Variants in AOC3 observed in about 807,000 individuals in gnomAD.
AOC3 encodes the protein amine oxidase copper containing 3, also known as amine oxidase [copper-containing] 3.
Under a neutral mutation model 55.4 loss-of-function variants are expected in AOC3, and 47 were observed. The ratio of observed to expected loss-of-function variants is 0.85; its 90% CI spans 0.67 to 1.08. The LOEUF is 1.08. Ranked by LOEUF, AOC3 falls within the 50% of genes least tolerant of loss-of-function variation. The pLI, the probability that AOC3 is intolerant of heterozygous loss-of-function variation, is 0.00. For missense variants in AOC3, 853 were observed against 993.1 expected, an observed-to-expected ratio of 0.86 and a Z score of 1.90; for synonymous variants, 386 against 410.7, an observed-to-expected ratio of 0.94 and a Z score of 0.73.
chr17:42,852,454 A>G lies in AOC3; in HGVS notation c.1111A>G (p.Ile371Val), dbSNP rs757469320. The G allele has an allele frequency of 1.9e-6, 3 of 1,614,070 alleles. No individual in the cohort carries two copies. The highest frequency in any genetic ancestry group is 1.3e-5 in the African/African-American group (1 of 74,918). ...GATAAGCCTCCAAGAGGCCTTGGCC[A>G]TCTATGGTGGAAATTCCCCAGCAGC... ...YEISLQEALA[I>V]YGGNSPAAMT... Residue 371 changes from isoleucine to valine, a missense_variant, in exon 1 of 4, where the codon ATC (isoleucine) becomes GTC (valine). Coordinates refer to ENST00000308423, the MANE Select transcript of AOC3 (RefSeq NM_003734.4).
At position 42,857,149 on chromosome 17, in the gene AOC3, A is replaced by C. The variant is rs2055760691; in HGVS notation, c.*599A>C. 6.5e-6 allele frequency: 1 copy of C among 153,406 alleles called. No homozygotes were observed. Among genetic ancestry groups the C allele is most frequent in the South Asian group, 2.0e-4 (1 of 4,902 alleles). 9.5% of individuals were successfully genotyped at this position (153,406 alleles called of 1,614,324 possible). A position where few individuals can be genotyped will look rare whatever the true frequency, so the allele number is the denominator to read the frequency against. On this transcript the variant is annotated 3_prime_UTR_variant, in exon 4 of 4. Coordinates refer to ENST00000308423, the MANE Select transcript of AOC3 (RefSeq NM_003734.4). ...TCCCCCAGCCCTCAGTTTTCAGTCA[A>C]GTTCCGTCTCCTCTCCAGCCCTATG...
Position 42,852,839 on chromosome 17 carries a change from T to C in AOC3, c.1496T>C (p.Phe499Ser). ...GCCACGGGCTACATCAGCTCGGCATTCCTCTTTGGTGCTACTGGGAAGTAC... is the reference window on the plus strand; with the variant it reads ...GCCACGGGCTACATCAGCTCGGCATCCCTCTTTGGTGCTACTGGGAAGTAC... ...FYATGYISSA[F>S]LFGATGKYGN... Residue 499 changes from phenylalanine to serine, a missense_variant, in exon 1 of 4, where the codon TTC (phenylalanine) becomes TCC (serine). Transcript: ENST00000308423. 1 of 1,613,982 alleles carries C rather than the reference T, an allele frequency of 6.2e-7. No homozygotes were observed. Among genetic ancestry groups the C allele is most frequent in the Non-Finnish European group, 8.5e-7 (1 of 1,179,886 alleles).
rs369195481 is a variant in AOC3, at chr17:42,851,574, G to T, written c.231G>T (p.Gln77His). ...CGGCTGTGATGCGCTTTCTGACCCA[G>T]CGGCTGGGGCCAGGGCTGGTGGATG... ...ELTAVMRFLT[Q>H]RLGPGLVDAA... Residue 77 changes from glutamine (Q) to histidine (H), a missense_variant, in exon 1 of 4, where the codon CAG (glutamine) becomes CAT (histidine). Coordinates refer to ENST00000308423, the MANE Select transcript of AOC3 (RefSeq NM_003734.4). 1.2e-6 allele frequency: 2 copies of T among 1,613,080 alleles called. No homozygotes were observed. The highest frequency in any genetic ancestry group is 2.7e-5 in the African/African-American group (2 of 74,924).
intron 1 of AOC3, 47 bp downstream of exon 1, chr17:42,852,990 A>G: frequency 6.3e-7 from 1 of 1,576,286 alleles, no homozygotes; most frequent in Non-Finnish European, 8.7e-7. Flanking sequence ...AGGGCTGAAA[A>G]GTTGTTTCCA....
rs1294326066 is a variant in AOC3 at position 42,852,236 on chromosome 17, G to A, written c.893G>A (p.Gly298Glu). ...CTGATCCCAGACAATGGCACAGGTG[G>A]GTCCTGGTCCCTGAAGTCCCCTGTG... The part of the protein sequence containing the change: ...VVLIPDNGTG[G>E]SWSLKSPVPP... Residue 298 changes from glycine to glutamate, a missense_variant, in exon 1 of 4, where the codon GGG (glycine) becomes GAG (glutamate). Physicochemically the swap from Gly to Glu is moderately conservative, Grantham distance 98. Transcript: ENST00000308423. 6.2e-7 allele frequency: 1 copy of A among 1,613,480 alleles called. No individual in the cohort carries two copies. The highest frequency in any genetic ancestry group is 1.3e-5 in the African/African-American group (1 of 74,876).
chr17:42,855,531 G>A lies in AOC3; in HGVS notation c.1974G>A (p.Val658=), dbSNP rs2055737745. Residue 658 remains valine (V), a synonymous_variant, in exon 3 of 4, where the codon GTG becomes GTA. Coordinates refer to ENST00000308423, the MANE Select transcript of AOC3 (RefSeq NM_003734.4). Reference sequence around the variant, plus strand: ...AGAATGACCCTTGGGCCCCCACTGTGGATTTCAGTGACTTCATCAACAATG... The same window carrying A: ...AGAATGACCCTTGGGCCCCCACTGTAGATTTCAGTGACTTCATCAACAATG... The part of the protein sequence containing the change: ...FNQNDPWAPT[V]DFSDFINNET... 6.8e-6 allele frequency: 11 copies of A among 1,614,080 alleles called. No homozygotes were observed. Among genetic ancestry groups the A allele is most frequent in the Non-Finnish European group, 9.3e-6 (11 of 1,180,028 alleles).
Position 42,852,019 on chromosome 17 carries a change from T to C in AOC3, c.676T>C (p.Trp226Arg). 6.2e-7 allele frequency: 1 copy of C among 1,613,846 alleles called. No homozygotes were observed. The highest frequency in any genetic ancestry group is 1.7e-4 in the Middle Eastern group (1 of 6,056). The change falls in exon 1 of 4, where the codon TGG (tryptophan) becomes CGG (arginine). Residue 226 changes from tryptophan to arginine, a missense_variant. Trp to Arg is a moderately radical substitution (Grantham distance 101, BLOSUM62 -3). Coordinates refer to ENST00000308423, the MANE Select transcript of AOC3 (RefSeq NM_003734.4). ...TCTGCAATCAGGGGACCGGGCCACCTGGTTTGGCCTCTACTACAACATCTC... is the reference window on the plus strand; with the variant it reads ...TCTGCAATCAGGGGACCGGGCCACCCGGTTTGGCCTCTACTACAACATCTC... ...RGLQSGDRAT[W>R]FGLYYNISGA...
chr17:42,852,686 A>G lies in AOC3; in HGVS notation c.1343A>G (p.Tyr448Cys). Residue 448 changes from tyrosine (Y) to cysteine (C), a missense_variant, in exon 1 of 4, where the codon TAC becomes TGC. By Grantham distance (194) the Tyr-to-Cys change is radical. Coordinates refer to ENST00000308423, the MANE Select transcript of AOC3 (RefSeq NM_003734.4). Reference sequence around the variant, plus strand: ...CTGCGGCGACACCACTCAGATCTCTACTCGCACTACTTTGGGGGTCTTGCG... The same window carrying G: ...CTGCGGCGACACCACTCAGATCTCTGCTCGCACTACTTTGGGGGTCTTGCG... The part of the protein sequence containing the change: ...LPLRRHHSDL[Y>C]SHYFGGLAET... 1 of 1,614,034 alleles carries G rather than the reference A, an allele frequency of 6.2e-7. No individual in the cohort carries two copies. Among genetic ancestry groups the G allele is most frequent in the Non-Finnish European group, 8.5e-7 (1 of 1,180,018 alleles).
intron 1 of AOC3, chr17:42,853,260 T>G: frequency 1.4e-5 from 16 of 1,133,028 alleles, no homozygotes; most frequent in Non-Finnish European, 1.7e-5. Context: ...TGGGCTCTGC[T>G]GCTGGGAGCA....
chr17:42,854,581 C>A lies in AOC3; in HGVS notation c.1734C>A (p.Leu578=), dbSNP rs770166481. The A allele has an allele frequency of 6.8e-6, 11 of 1,609,898 alleles. 1 individual carries two copies. The South Asian group carries it at 1.1e-4, about 16-fold the overall frequency. The change falls in exon 2 of 4, where the codon CTC becomes CTA. Residue 578 remains leucine, a synonymous_variant. Coordinates refer to ENST00000308423, the MANE Select transcript of AOC3 (RefSeq NM_003734.4). ...AGATGGAGGAGCAGGCCGCCTTCCTCGTGGGAAGCGCCACCCCTCGCTACC... is the reference window on the plus strand; with the variant it reads ...AGATGGAGGAGCAGGCCGCCTTCCTAGTGGGAAGCGCCACCCCTCGCTACC... ...LLEMEEQAAF[L]VGSATPRYLY... is the part of the protein sequence containing the mutation.
At chr17:42,853,832 A>G (rs2055708854) in intron 1 of AOC3, among the ~76,000 whole-genome samples, 1 of 151,926 alleles carries the variant, frequency 6.6e-6, no homozygotes. Context: ...AACCCCCTCA[A>G]AACTCTTTCC....
intron 1 of AOC3, chr17:42,854,036 G>A (rs190803289): frequency 4.9e-5 from 8 of 161,950 alleles, no homozygotes; most frequent in Non-Finnish European, 6.7e-5. Context: ...AAAGTTGCCC[G>A]GAAGGGCCCC....
rs754637660 is a variant in AOC3, at chr17:42,852,696, CT to C, written c.1356del (p.Phe452LeufsTer34). 6.2e-7 allele frequency: 1 copy of C among 1,614,246 alleles called. No homozygotes were observed. The highest frequency in any genetic ancestry group is 8.5e-7 in the Non-Finnish European group (1 of 1,180,056). The part of the protein sequence containing the change: ...RHHSDLYSHY[F>X]GGLAETVLVV... ...ACCACTCAGATCTCTACTCGCACTA[CT>C]TTGGGGGTCTTGCGGAAACGGTGCT... On this transcript the variant is annotated frameshift_variant, in exon 1 of 4. Transcript: ENST00000308423. LOFTEE classifies it high-confidence loss of function.
In AOC3 at chr17:42,851,849, G is replaced by T. The variant is rs768593243; in HGVS notation, c.506G>T (p.Arg169Leu). ...GGAGGCCCCCTGCCCTATCACCGAC[G>T]CCCCGTGCTGTTCCAAGAGTACCTG... is the stretch of plus-strand genomic sequence containing the variant. ...RHGGPLPYHR[R>L]PVLFQEYLDI... The change falls in exon 1 of 4, where the codon CGC becomes CTC. Residue 169 changes from arginine to leucine, a missense_variant. Arg to Leu is a moderately radical substitution (Grantham distance 102). Transcript: ENST00000308423. 3 of 1,613,616 alleles carry T rather than the reference G, an allele frequency of 1.9e-6. No homozygotes were observed. Among genetic ancestry groups the T allele is most frequent in the African/African-American group, 1.3e-5 (1 of 75,050 alleles).
Position 42,854,537 on chromosome 17 carries a change from G to A in AOC3, c.1690G>A (p.Val564Met). The A allele has an allele frequency of 6.2e-7, 1 of 1,610,800 alleles. No individual in the cohort carries two copies. Among genetic ancestry groups the A allele is most frequent in the East Asian group, 2.2e-5 (1 of 44,652 alleles). The change falls in exon 2 of 4, where the codon GTG (valine) becomes ATG (methionine). Residue 564 changes from valine to methionine, a missense_variant. By Grantham distance (21) the Val-to-Met change is conservative (BLOSUM62 1). Transcript: ENST00000308423. ...TGAGCACCAGCTGCAGAGGCTGCAGGTGACCCGGAAGCTGCTGGAGATGGA... is the reference window on the plus strand; with the variant it reads ...TGAGCACCAGCTGCAGAGGCTGCAGATGACCCGGAAGCTGCTGGAGATGGA... Reference protein sequence around the residue: ...SPEHQLQRLQVTRKLLEMEEQ... With the variant: ...SPEHQLQRLQMTRKLLEMEEQ...
intron 3 of AOC3, 132 bp from the exon 4 acceptor site, chr17:42,856,143 A>C: frequency 4.4e-6 from 5 of 1,130,706 alleles, no homozygotes; most frequent in Non-Finnish European, 6.4e-6. Flanking sequence ...TGGACTACTT[A>C]TGCTTTGACT....
At position 42,857,259 on chromosome 17, in the gene AOC3, G is replaced by C. The variant is rs990113157; in HGVS notation, c.*709G>C. On this transcript the variant is annotated 3_prime_UTR_variant, in exon 4 of 4. Coordinates refer to ENST00000308423, the MANE Select transcript of AOC3 (RefSeq NM_003734.4). The stretch of plus-strand genomic sequence containing the variant: ...TGTGTCTGTTGCTTATTGGGAGTAG[G>C]AGTTGCTCCTACCCCTGTCCTGGGG... 9 of 152,612 alleles carry C rather than the reference G, an allele frequency of 5.9e-5. No homozygotes were observed. Among genetic ancestry groups the C allele is most frequent in the African/African-American group, 2.2e-4 (9 of 41,424 alleles). The allele number at this position is 152,612 out of a possible 1,614,324, so 9.5% of individuals were successfully genotyped here.
rs768796684 is a variant in AOC3 at position 42,851,925 on chromosome 17, TCTC to T, written c.584_586del (p.Leu195del). ...GAGAGCTGCCCCAGGCTTCTGGGCT[TCTC>T]CACCACTGTTGCTTCTACAAGCACC... On this transcript the variant is annotated inframe_deletion, in exon 1 of 4. Coordinates refer to ENST00000308423, the MANE Select transcript of AOC3 (RefSeq NM_003734.4). 1.2e-6 allele frequency: 2 copies of T among 1,613,750 alleles called. No individual in the cohort carries two copies. The highest frequency in any genetic ancestry group is 1.7e-5 in the Admixed American group (1 of 60,024).
chr17:42,852,104 T>C lies in AOC3; in HGVS notation c.761T>C (p.Leu254Pro). ...GLELLVNHKA[L>P]DPARWTIQKV... ...GAGCTGCTAGTGAACCACAAGGCCC[T>C]TGACCCTGCCCGCTGGACTATCCAG... The change falls in exon 1 of 4, where the codon CTT (leucine) becomes CCT (proline). Residue 254 changes from leucine to proline, a missense_variant. Transcript: ENST00000308423. 9 of 1,613,914 alleles carry C rather than the reference T, an allele frequency of 5.6e-6. No individual in the cohort carries two copies. The highest frequency in any genetic ancestry group is 7.6e-6 in the Non-Finnish European group (9 of 1,179,868).
Sources: gnomAD v4.1 joint callset for allele counts (sites outside exome capture counted in the v4.1 genomes callset) on GRCh38, gnomAD v4.1.1 for gene constraint, MANE v1.5 for transcripts, NCBI Gene and HGNC (gene_info 2026-07-23, HGNC 2026-07-21) for gene names.